PCNX3: variants seen among roughly 807,000 people sequenced by gnomAD.
PCNX3 encodes pecanex-like protein 3.
In PCNX3, 58 loss-of-function variants were observed where a neutral mutation model predicts 207.2. The ratio of observed to expected loss-of-function variants is 0.28; its 90% CI spans 0.23 to 0.35. PCNX3 has a LOEUF of 0.35. Ranked by LOEUF, PCNX3 falls within the 10% of genes least tolerant of loss-of-function variation. PCNX3 has a pLI of 1.00. For missense variants in PCNX3, 2,410 were observed against 2,774.4 expected, an observed-to-expected ratio of 0.87 and a Z score of 2.95; for synonymous variants, 1,337 against 1,183.5, an observed-to-expected ratio of 1.13 and a Z score of -2.66.
At chr11:65,624,897 C>G in intron 15 of PCNX3, 28 bp from the exon 16 acceptor site, 1 of 1,587,732 alleles carries the variant, frequency 6.3e-7, no homozygotes, top group Non-Finnish European at 8.6e-7. Context: ...CAAGTGAGAG[C>G]TGGGCTGTAC....
At chr11:65,634,872 A>C (rs1182181223) in intron 29 of PCNX3, 101 bp from the exon 30 acceptor site, 1 of 1,442,550 alleles carries the variant, frequency 6.9e-7, no homozygotes, top group Non-Finnish European at 9.3e-7. Flanking sequence ...GGGGAAACTG[A>C]GGCTCAGCGT....
At position 65,637,021 on chromosome 11, in the gene PCNX3, G is replaced by T. The variant is rs117862438; in HGVS notation, c.*43G>T. 6.8e-4 allele frequency: 1,045 copies of T among 1,528,198 alleles called. 7 individuals are homozygous for T. In the East Asian group the frequency reaches 0.023, roughly 34 times the overall value. The allele number at this position is 1,528,198 out of a possible 1,614,324, so 94.7% of individuals were successfully genotyped here. A position where few individuals can be genotyped will look rare whatever the true frequency, so the allele number is the denominator to read the frequency against. On this transcript the variant is annotated 3_prime_UTR_variant, in exon 35 of 35. Coordinates refer to ENST00000355703, the MANE Select transcript of PCNX3 (RefSeq NM_032223.4). The stretch of plus-strand genomic sequence containing the variant: ...GGACCACCTCCTAGGATTCAGTAAC[G>T]GACCTGCTCTGCTGCCTCTCTGCTG...
intron 27 of PCNX3, among the ~76,000 whole-genome samples, chr11:65,631,111 A>C (rs942537171): frequency 6.6e-6 from 1 of 152,198 alleles, no homozygotes; most frequent in Admixed American, 6.5e-5. Context: ...AATCTGAAGA[A>C]AATGGCCAAG....
Position 65,617,689 on chromosome 11 carries a change from G to A in PCNX3, c.560G>A (p.Ser187Asn), listed in dbSNP as rs772880534. The A allele has an allele frequency of 3.8e-6, 6 of 1,570,136 alleles. No individual in the cohort carries two copies. The Admixed American group carries it at 1.1e-4, about 30-fold the overall frequency. ...GCCGACCGAGAGATGCTGAAGCTCAGCTCGCAGGAGAAACTGAGTGCGTGG... is the reference window on the plus strand; with the variant it reads ...GCCGACCGAGAGATGCTGAAGCTCAACTCGCAGGAGAAACTGAGTGCGTGG... ...TSADREMLKLSSQEKLIGDLP... is the reference protein window; with the variant it reads ...TSADREMLKLNSQEKLIGDLP... Residue 187 changes from serine to asparagine, a missense_variant, in exon 5 of 35, where the codon AGC becomes AAC. Ser to Asn is a conservative substitution (Grantham distance 46). This residue lies in a region of PCNX3 where 1,104 missense variants were observed against 970.3 expected (regional missense o/e 1.14). Transcript: ENST00000355703.
rs1855269643 is a variant in PCNX3, at chr11:65,624,374, TG to T, written c.2716+12del. 1 of 1,552,844 alleles carries T rather than the reference TG, an allele frequency of 6.4e-7. No homozygotes were observed. The highest frequency in any genetic ancestry group is 8.7e-7 in the Non-Finnish European group (1 of 1,147,682). The stretch of plus-strand genomic sequence containing the variant: ...CCCGAGACGTGGCCACTGGTGAGGC[TG>T]GGGCAGGGATGAGGTGGCCCAGGAG... On this transcript the variant is annotated intron_variant, in intron 14 of 34. Coordinates refer to ENST00000355703, the MANE Select transcript of PCNX3 (RefSeq NM_032223.4).
intron 2 of PCNX3, 46 bp from the exon 3 acceptor site, chr11:65,617,204 A>T (rs1316675877): frequency 6.5e-7 from 1 of 1,531,416 alleles, no homozygotes; most frequent in Non-Finnish European, 8.9e-7. Flanking sequence ...AGTAGCATAC[A>T]CAGAGGAGAG....
intron 6 of PCNX3, 86 bp downstream of exon 6, chr11:65,619,153 T>C (rs1854930092): frequency 9.0e-7 from 1 of 1,113,086 alleles, no homozygotes; most frequent in Admixed American, 2.2e-5. Flanking sequence ...ATGGACCTGG[T>C]CAGTGTCAGC....
At position 65,629,512 on chromosome 11, in the gene PCNX3, G is replaced by C; in HGVS notation, c.4001-8G>C. On this transcript the variant is annotated splice_polypyrimidine_tract_variant and splice_region_variant and intron_variant, in intron 25 of 34. Transcript: ENST00000355703. ...TTTGTCCATTTGCCCGTCTGTTCTG[G>C]GTCTTAGGCGCTGATGACAACAACC... 6.2e-7 allele frequency: 1 copy of C among 1,613,504 alleles called. No individual in the cohort carries two copies.
At chr11:65,632,101 G>A (rs1010130442) in intron 27 of PCNX3, among the ~76,000 whole-genome samples, 2 of 152,128 alleles carry the variant, frequency 1.3e-5, no homozygotes, top group Non-Finnish European at 2.9e-5. Context: ...TTGCCCTGCT[G>A]TGCCTGCTAG....
At position 65,618,723 on chromosome 11, in the gene PCNX3, C is replaced by A. The variant is rs774402786; in HGVS notation, c.1361C>A (p.Ser454Tyr). ...TDSSSSTSCY[S>Y]PESSRGAAGG... ...AGCTCCTCTTCTACTTCCTGCTACT[C>A]CCCTGAGAGCTCCCGGGGTGCAGCA... Residue 454 changes from serine to tyrosine, a missense_variant, in exon 6 of 35, where the codon TCC (serine) becomes TAC (tyrosine). Ser to Tyr is a moderately radical substitution (Grantham distance 144). This residue lies in a region of PCNX3 where 1,104 missense variants were observed against 970.3 expected (regional missense o/e 1.14). Transcript: ENST00000355703. The A allele has an allele frequency of 1.3e-5, 21 of 1,612,548 alleles. No homozygotes were observed. In the East Asian group the frequency reaches 4.2e-4, roughly 33 times the overall value.
intron 12 of PCNX3, 79 bp downstream of exon 12, chr11:65,623,723 A>C: frequency 6.4e-7 from 1 of 1,561,392 alleles, no homozygotes; most frequent in Non-Finnish European, 8.7e-7. Context: ...AGTTTTAAGG[A>C]GTATAAGCTG....
Position 65,636,893 on chromosome 11 carries a change from C to T in PCNX3, c.6020C>T (p.Pro2007Leu), listed in dbSNP as rs372684648. The change falls in exon 35 of 35, where the codon CCT becomes CTT. Residue 2007 changes from proline (P) to leucine (L), a missense_variant. Transcript: ENST00000355703. ...AGCAGTGCCCCTGAGAGTGGCACAC[C>T]TATGGGTGCCCTGGGCGACTGGCCT... ...LDSSAPESGT[P>L]MGALGDWPAP... 43 of 1,554,260 alleles carry T rather than the reference C, an allele frequency of 2.8e-5. No homozygotes were observed. Among genetic ancestry groups the T allele is most frequent in the Non-Finnish European group, 3.4e-5 (39 of 1,148,968 alleles).
intron 27 of PCNX3, 27 bp downstream of exon 27, chr11:65,630,631 G>A (rs1467738135): frequency 6.3e-7 from 1 of 1,597,070 alleles, no homozygotes; most frequent in Non-Finnish European, 8.6e-7. Context: ...TGGCCGGGCA[G>A]CAGGGCCCTT....
At chr11:65,623,988 G>C (rs538694421) in intron 13 of PCNX3, 27 bp downstream of exon 13, 1 of 1,609,492 alleles carries the variant, frequency 6.2e-7, no homozygotes, top group Admixed American at 1.7e-5. Flanking sequence ...CAGCGCCTCT[G>C]GCCAGGAGGC....
At chr11:65,624,394 C>T in intron 14 of PCNX3, 28 bp downstream of exon 14, 1 of 1,551,764 alleles carries the variant, frequency 6.4e-7, no homozygotes, top group Non-Finnish European at 8.7e-7. Context: ...ATGAGGTGGC[C>T]CAGGAGAGTG....
At position 65,626,053 on chromosome 11, in the gene PCNX3, C is replaced by A. The variant is rs199564510; in HGVS notation, c.3378C>A (p.Arg1126=). Residue 1126 remains arginine (R), a splice_region_variant and synonymous_variant, in exon 20 of 35, where the codon CGC becomes CGA. Transcript: ENST00000355703. ...KPLEYSQYEV[R]GAAQVMWFEK... The stretch of plus-strand genomic sequence containing the variant: ...TGGAGTACAGCCAGTATGAAGTGCG[C>A]GGTGAGTGCCCACCCCTGATGGCCA... 1.9e-6 allele frequency: 3 copies of A among 1,600,048 alleles called. No homozygotes were observed. Among genetic ancestry groups the A allele is most frequent in the Non-Finnish European group, 1.7e-6 (2 of 1,174,138 alleles).
At position 65,627,085 on chromosome 11, in the gene PCNX3, G is replaced by A. The variant is rs781007487; in HGVS notation, c.3524+37G>A. On this transcript the variant is annotated intron_variant, in intron 21 of 34. Transcript: ENST00000355703. The stretch of plus-strand genomic sequence containing the variant: ...CCCACCCTCAACGATCCCATCATCC[G>A]CTTTCCCTTTTGATCCGTGGGGAAA... 1.8e-5 allele frequency: 26 copies of A among 1,462,848 alleles called. No homozygotes were observed. The African/African-American group carries it at 1.9e-4, about 10-fold the overall frequency. The allele number at this position is 1,462,848 out of a possible 1,614,324, so 90.6% of individuals were successfully genotyped here.
rs186762259 is a variant in PCNX3 at position 65,616,341 on chromosome 11, C to T, written c.30C>T (p.Arg10=). 19 of 1,604,530 alleles carry T rather than the reference C, an allele frequency of 1.2e-5. No individual in the cohort carries two copies. The African/African-American group carries it at 1.2e-4, about 10-fold the overall frequency. The change falls in exon 1 of 35, where the codon CGC becomes CGT. Residue 10 remains arginine (R), a synonymous_variant. Transcript: ENST00000355703. ...GGTCGCAGGTGTTGCAGATCCTGCG[C>T]CAGGGGGTGTGGGCCTCGCTCACCG... The part of the protein sequence containing the change: MGSQVLQIL[R]QGVWASLTGG...
Position 65,620,076 on chromosome 11 carries a change from C to T in PCNX3, c.2008+144C>T. The T allele has an allele frequency of 5.2e-6, 5 of 970,766 alleles. No homozygotes were observed. The South Asian group carries it at 8.6e-5, about 17-fold the overall frequency. The allele number at this position is 970,766 out of a possible 1,614,324, so 60.1% of individuals were successfully genotyped here. A position where few individuals can be genotyped will look rare whatever the true frequency, so the allele number is the denominator to read the frequency against. Reference sequence around the variant, plus strand: ...CATCATCCTTGCAGCCTCTTTGAGGCACGGTGTCTCTGTCATCTTTTGCTC... The same window carrying T: ...CATCATCCTTGCAGCCTCTTTGAGGTACGGTGTCTCTGTCATCTTTTGCTC... On this transcript the variant is annotated intron_variant, in intron 8 of 34. Transcript: ENST00000355703.
Sources: allele counts gnomAD v4.1 joint callset (sites outside exome capture counted in the v4.1 genomes callset), GRCh38; gene constraint gnomAD v4.1.1; regional missense constraint gnomAD v4.1.1; transcripts MANE v1.5; gene names NCBI Gene and HGNC (gene_info 2026-07-23, HGNC 2026-07-21).